The following RBPJ variants were observed in gnomAD, a reference collection of about 807,000 sequenced individuals.
RBPJ encodes the protein recombination signal binding protein for immunoglobulin kappa J region.
A neutral mutation model predicts 67.8 loss-of-function variants in RBPJ; 9 were observed. That is an observed-to-expected ratio of 0.13 (90% CI 0.08 to 0.23). RBPJ has a LOEUF of 0.23. RBPJ is among the 10% of genes least tolerant of loss of function. The pLI, the probability that RBPJ is intolerant of heterozygous loss-of-function variation, is 1.00. For synonymous variants in RBPJ, 198 were observed against 203.3 expected (o/e 0.97, Z 0.22); for missense variants, 305 against 595.6 (o/e 0.51, Z 5.08).
At chr4:26,205,507 G>A (rs1298459375) in intron 1 of RBPJ, among the ~76,000 whole-genome samples, 1 of 152,192 alleles carries the variant, frequency 6.6e-6, no homozygotes, top group Non-Finnish European at 1.5e-5. Context: ...GGGCGGCATG[G>A]CATGAGCCTG....
chr4:26,132,731 C>T, the RBPJ span, among the ~76,000 whole-genome samples: 1 of 152,162 alleles, frequency 6.6e-6, no homozygotes, highest in African/African-American at 2.4e-5. Flanking sequence ...AAAAACAAAA[C>T]AAAACAAAAC....
In RBPJ at chr4:26,244,176, C is replaced by CATATGTGTACACATATATGTGTCT. The variant is rs1560225843; in HGVS notation, c.-167+80566_-167+80567insGTGTACACATATATGTGTCTATAT. ...ATATATGTATATATATATGTATACACATATATGTATACATATATGTGTCTA... is the reference window on the plus strand; with the variant it reads ...ATATATGTATATATATATGTATACACATATGTGTACACATATATGTGTCTATATATGTATACATATATGTGTCTA... On this transcript the variant is annotated intron_variant, in intron 1 of 4. Coordinates refer to the RBPJ transcript ENST00000512351. Among the ~76,000 whole-genome samples the CATATGTGTACACATATATGTGTCT allele has an allele frequency of 4.9e-4, 72 of 146,382 alleles. 2 individuals are homozygous for CATATGTGTACACATATATGTGTCT. Among genetic ancestry groups the CATATGTGTACACATATATGTGTCT allele is most frequent in the Non-Finnish European group, 7.2e-4 (48 of 66,536 alleles).
intron 1 of RBPJ, among the ~76,000 whole-genome samples, chr4:26,309,530 T>G (rs1022394006): frequency 6.6e-6 from 1 of 152,204 alleles, no homozygotes; most frequent in African/African-American, 2.4e-5. Flanking sequence ...ATATTCCCCT[T>G]TTGCAGGTGA....
chr4:26,110,714 AC>A, the RBPJ span, among the ~76,000 whole-genome samples: 4 of 152,280 alleles, frequency 2.6e-5, no homozygotes, highest in South Asian at 8.3e-4. The surrounding 1 kb of genome is among the most constrained non-coding windows in gnomAD (Gnocchi z 4.5). Context: ...CTGAAGTTAA[AC>A]GTGAGCAAAC....
intron 1 of RBPJ, among the ~76,000 whole-genome samples, chr4:26,377,037 A>G (rs1252761832): frequency 6.6e-6 from 1 of 152,110 alleles, no homozygotes; most frequent in Admixed American, 6.6e-5. Flanking sequence ...ATTTGATTGT[A>G]TGTATTTTTA....
chr4:26,425,111 G>A, intron 7 of RBPJ: 1 of 263,622 alleles, frequency 3.8e-6, no homozygotes, highest in Non-Finnish European at 7.0e-6. Context: ...TGTGGTACCT[G>A]CCATATCCCA....
intron 2 of RBPJ, among the ~76,000 whole-genome samples, chr4:26,389,211 A>G (rs1731244021): frequency 7.1e-6 from 1 of 140,614 alleles, no homozygotes; most frequent in South Asian, 2.1e-4. Context: ...CCTGGGTGAC[A>G]GAGTGAGACC....
At chr4:26,310,906 G>A (rs995656167) in intron 1 of RBPJ, among the ~76,000 whole-genome samples, 1 of 152,114 alleles carries the variant, frequency 6.6e-6, no homozygotes. Flanking sequence ...CTGACCTCAC[G>A]TGATCCGCCC....
At chr4:26,428,919 G>A (rs995901360) in intron 8 of RBPJ, 59 bp downstream of exon 8, 2 of 1,337,280 alleles carry the variant, frequency 1.5e-6, no homozygotes, top group African/African-American at 2.9e-5. Context: ...TTAGCAGCTT[G>A]CAAAAATATG....
intron 1 of RBPJ, among the ~76,000 whole-genome samples, chr4:26,350,520 A>C (rs1726681939): frequency 6.6e-6 from 1 of 152,236 alleles, no homozygotes; most frequent in Non-Finnish European, 1.5e-5. Context: ...AATTTAGTGA[A>C]GTTTTCCAAA....
At chr4:26,366,386 A>G (rs1460876949) in intron 1 of RBPJ, among the ~76,000 whole-genome samples, 1 of 151,822 alleles carries the variant, frequency 6.6e-6, no homozygotes, top group Non-Finnish European at 1.5e-5. Context: ...TGTGATGTGT[A>G]TGTGTTTGTT....
At chr4:26,286,822 G>A (rs951495179) in intron 1 of RBPJ, among the ~76,000 whole-genome samples, 9 of 144,104 alleles carry the variant, frequency 6.2e-5, no homozygotes, top group African/African-American at 2.4e-4. Context: ...GCCTCCCTCC[G>A]TCACCCAGGC....
chr4:26,311,436 G>A (rs2109307213), intron 1 of RBPJ, among the ~76,000 whole-genome samples: 1 of 152,212 alleles, frequency 6.6e-6, no homozygotes, highest in South Asian at 2.1e-4. Flanking sequence ...CTACTTGGGA[G>A]GCTGAGGCAG....
At chr4:26,406,140 A>G in intron 2 of RBPJ, 35 bp from the exon 3 acceptor site, 1 of 1,317,024 alleles carries the variant, frequency 7.6e-7, no homozygotes, top group Non-Finnish European at 1.1e-6. Context: ...CAAGAATTTC[A>G]CCTCTGTAAC....
chr4:26,379,270 C>T (rs1338953774), intron 1 of RBPJ, among the ~76,000 whole-genome samples: 3 of 151,846 alleles, frequency 2.0e-5, no homozygotes, highest in African/African-American at 7.3e-5. Context: ...GCCTGGTACT[C>T]CTGGGCTCAA....
chr4:26,310,722 C>T (rs900042888), intron 1 of RBPJ, among the ~76,000 whole-genome samples: 2 of 145,404 alleles, frequency 1.4e-5, no homozygotes, highest in African/African-American at 5.1e-5. Context: ...CAGGCTGGAG[C>T]GCAATGGCAC....
chr4:26,397,963 C>T (rs1244077715), intron 2 of RBPJ, among the ~76,000 whole-genome samples: 1 of 151,994 alleles, frequency 6.6e-6, no homozygotes, highest in Non-Finnish European at 1.5e-5. Context: ...AAAAGGCATG[C>T]TTAGCTCCTA....
chr4:26,398,354 T>C (rs1324406466), intron 2 of RBPJ, among the ~76,000 whole-genome samples: 1 of 152,078 alleles, frequency 6.6e-6, no homozygotes, highest in Non-Finnish European at 1.5e-5. Flanking sequence ...AGTGAGGAAG[T>C]CTGTTTTCAG....
At chr4:26,249,943 G>A (rs1196825974) in intron 1 of RBPJ, among the ~76,000 whole-genome samples, 2 of 151,474 alleles carry the variant, frequency 1.3e-5, no homozygotes. Flanking sequence ...CTGCCACCAT[G>A]CCTGGCTAAT....
Sources: gnomAD v4.1 joint callset for allele counts (sites outside exome capture counted in the v4.1 genomes callset) on GRCh38, gnomAD v4.1.1 for gene constraint, Gnocchi (gnomAD v3.1) non-coding constraint, MANE v1.5 for transcripts, NCBI Gene and HGNC (gene_info 2026-07-23, HGNC 2026-07-21) for gene names.